ZNF609: variants seen among roughly 807,000 people sequenced by gnomAD.
The protein encoded by ZNF609 is zinc finger protein 609.
A neutral mutation model predicts 109.5 loss-of-function variants in ZNF609; 11 were observed. That is an observed-to-expected ratio of 0.10 (90% CI 0.06 to 0.17). The LOEUF (loss-of-function observed/expected upper bound fraction) is 0.17, where lower values mean the gene tolerates loss of function less well. Ranked by LOEUF, ZNF609 falls within the 10% of genes least tolerant of loss-of-function variation. The pLI, the probability that ZNF609 is intolerant of heterozygous loss-of-function variation, is 1.00. For synonymous variants in ZNF609, 646 were observed against 662.0 expected (o/e 0.98, Z 0.37); for missense variants, 1,559 against 1,772.4 (o/e 0.88, Z 2.16).
intron 2 of ZNF609, among the ~76,000 whole-genome samples, chr15:64,539,959 A>G (rs901258678): frequency 1.3e-5 from 2 of 151,976 alleles, no homozygotes; most frequent in Non-Finnish European, 2.9e-5. Flanking sequence ...TTTTGTAGAG[A>G]TAGGGTCCCA....
At chr15:64,664,677 TAAA>T (rs1896623543) in intron 3 of ZNF609, among the ~76,000 whole-genome samples, 1 of 152,220 alleles carries the variant, frequency 6.6e-6, no homozygotes, top group African/African-American at 2.4e-5. Flanking sequence ...GGAAGACTAT[TAAA>T]CCTCATCAAT....
At chr15:64,677,043 C>T (rs1429702387) in intron 5 of ZNF609, among the ~76,000 whole-genome samples, 4 of 151,990 alleles carry the variant, frequency 2.6e-5, no homozygotes, top group Non-Finnish European at 4.4e-5. Flanking sequence ...TGAGCCACTG[C>T]GCCCAGTCGT....
At chr15:64,654,515 G>A (rs1298511745) in intron 3 of ZNF609, 1 of 151,832 alleles carries the variant, frequency 6.6e-6, no homozygotes, top group East Asian at 1.9e-4. Context: ...TGACCAGGCT[G>A]GTCTTGACCT....
intron 1 of ZNF609, among the ~76,000 whole-genome samples, chr15:64,480,728 A>C (rs1232692202): frequency 6.6e-6 from 1 of 152,206 alleles, no homozygotes; most frequent in Non-Finnish European, 1.5e-5. Flanking sequence ...GGGAAGTAGC[A>C]TGGAAGTTTG....
At chr15:64,466,591 A>G (rs1273727702) in intron 1 of ZNF609, among the ~76,000 whole-genome samples, 2 of 152,190 alleles carry the variant, frequency 1.3e-5, no homozygotes, top group Non-Finnish European at 2.9e-5. Context: ...AGATGGGGAC[A>G]TTTGCAGTGA....
Position 64,563,209 on chromosome 15 carries a change from G to A in ZNF609, c.748-59618G>A, listed in dbSNP as rs545323678. On this transcript the variant is annotated intron_variant, in intron 2 of 9. Coordinates refer to ENST00000326648, the MANE Select transcript of ZNF609 (RefSeq NM_015042.2). ...TCACACCTGTAATCCCAGCACTTTGGGAGGCCAAGGTAGGAGGATCACGTG... is the reference window on the plus strand; with the variant it reads ...TCACACCTGTAATCCCAGCACTTTGAGAGGCCAAGGTAGGAGGATCACGTG... 2.8e-4 allele frequency among the ~76,000 whole-genome samples: 42 copies of A among 152,002 alleles called. 1 individual carries two copies. The highest frequency in any genetic ancestry group is 4.6e-4 in the Non-Finnish European group (31 of 67,964).
At chr15:64,651,359 A>T (rs1896412811) in intron 3 of ZNF609, among the ~76,000 whole-genome samples, 1 of 152,220 alleles carries the variant, frequency 6.6e-6, no homozygotes, top group South Asian at 2.1e-4. Flanking sequence ...ACCACAAAAC[A>T]GCATAAGAGC....
At chr15:64,539,203 TTTA>T (rs869177929) in intron 2 of ZNF609, among the ~76,000 whole-genome samples, 7 of 148,370 alleles carry the variant, frequency 4.7e-5, no homozygotes, top group Admixed American at 1.4e-4. Context: ...TATTTATTTA[TTTA>T]TTATTTTTTA....
chr15:64,658,143 T>C (rs1896517272), intron 3 of ZNF609, among the ~76,000 whole-genome samples: 1 of 152,240 alleles, frequency 6.6e-6, no homozygotes, highest in Non-Finnish European at 1.5e-5. Context: ...ATGCCTTATG[T>C]GTAGCAGTTC....
chr15:64,667,965 G>A (rs377659191), intron 3 of ZNF609, among the ~76,000 whole-genome samples: 4 of 152,170 alleles, frequency 2.6e-5, no homozygotes, highest in Admixed American at 2.0e-4. Context: ...AAGCTTTAAG[G>A]AGTTGGGAAG....
At chr15:64,612,658 GTTTA>G (rs1895736727) in intron 2 of ZNF609, among the ~76,000 whole-genome samples, 1 of 121,082 alleles carries the variant, frequency 8.3e-6, no homozygotes, top group African/African-American at 3.1e-5. Flanking sequence ...ATTTATTTTT[GTTTA>G]TTTATTTATT....
intron 2 of ZNF609, among the ~76,000 whole-genome samples, chr15:64,577,820 C>A (rs1895025990): frequency 6.6e-6 from 1 of 151,340 alleles, no homozygotes; most frequent in Non-Finnish European, 1.5e-5. Flanking sequence ...GATCGCACCA[C>A]TGCACTCCAG....
At chr15:64,597,519 G>C (rs1007867223) in intron 2 of ZNF609, among the ~76,000 whole-genome samples, 3 of 152,166 alleles carry the variant, frequency 2.0e-5, no homozygotes, top group African/African-American at 4.8e-5. Flanking sequence ...GGAGTGATCT[G>C]CTTTGCATTT....
At chr15:64,639,333 T>C (rs1896220774) in intron 3 of ZNF609, among the ~76,000 whole-genome samples, 1 of 152,212 alleles carries the variant, frequency 6.6e-6, no homozygotes, top group Admixed American at 6.5e-5. Context: ...GCTGTAACAA[T>C]GTACCAAAAA....
intron 3 of ZNF609, among the ~76,000 whole-genome samples, chr15:64,655,565 G>A (rs947970872): frequency 3.3e-5 from 5 of 152,110 alleles, no homozygotes; most frequent in East Asian, 1.9e-4. Flanking sequence ...GGTGGCTCAC[G>A]CCTGTAATCC....
intron 1 of ZNF609, among the ~76,000 whole-genome samples, chr15:64,483,624 G>C (rs906049034): frequency 1.3e-5 from 2 of 152,124 alleles, no homozygotes; most frequent in Admixed American, 6.5e-5. Context: ...GAGCTCAGAT[G>C]ACCCTCCCAC....
At chr15:64,536,734 C>CCA (rs1491376093) in intron 2 of ZNF609, among the ~76,000 whole-genome samples, 20 of 123,734 alleles carry the variant, frequency 1.6e-4, no homozygotes, top group South Asian at 2.7e-4. Flanking sequence ...CCCCCCCCCC[C>CCA]AAAAAAAAAA....
intron 1 of ZNF609, among the ~76,000 whole-genome samples, chr15:64,488,634 C>G (rs1893364803): frequency 6.6e-6 from 1 of 152,062 alleles, no homozygotes; most frequent in African/African-American, 2.4e-5. Flanking sequence ...GAGAAGTTTT[C>G]TTTGTCCCCT....
chr15:64,676,118 A>C lies in ZNF609; in HGVS notation c.3264A>C (p.Lys1088Asn). 2 of 1,613,942 alleles carry C rather than the reference A, an allele frequency of 1.2e-6. No homozygotes were observed. Among genetic ancestry groups the C allele is most frequent in the Non-Finnish European group, 1.7e-6 (2 of 1,180,000 alleles). The change falls in exon 5 of 10, where the codon AAA becomes AAC. Residue 1088 changes from lysine (K) to asparagine (N), a missense_variant. Transcript: ENST00000326648. ...VIIPKLDDSS[K>N]LPGQAPEGLK... ...TTCCCAAGTTAGATGACTCTTCAAA[A>C]CTCCCGGGCCAGGCCCCTGAAGGCC...
Sources: gnomAD v4.1 joint callset for allele counts (sites outside exome capture counted in the v4.1 genomes callset) on GRCh38, gnomAD v4.1.1 for gene constraint, MANE v1.5 for transcripts, NCBI Gene and HGNC (gene_info 2026-07-23, HGNC 2026-07-21) for gene names.